DDHD1: variants seen among roughly 807,000 people sequenced by gnomAD.
DDHD1 encodes phospholipase DDHD1.
In DDHD1, 49 loss-of-function variants were observed where a neutral mutation model predicts 96.4. That is an observed-to-expected ratio of 0.51 (90% CI 0.40 to 0.64). The LOEUF is 0.64. Among genes scored for constraint, DDHD1 ranks in the 30% least tolerant of loss-of-function variants. The pLI, the probability that DDHD1 is intolerant of heterozygous loss-of-function variation, is 0.00. For synonymous variants in DDHD1, 442 were observed against 446.5 expected, an observed-to-expected ratio of 0.99 and a Z score of 0.13; for missense variants, 1,106 against 1,161.2, an observed-to-expected ratio of 0.95 and a Z score of 0.69.
chr14:53,116,156 A>G (rs1449858304), intron 1 of DDHD1, among the ~76,000 whole-genome samples: 1 of 152,278 alleles, frequency 6.6e-6, no homozygotes, highest in East Asian at 1.9e-4. Flanking sequence ...AAAGGGATCA[A>G]TGCAACAAGG....
At chr14:53,058,906 T>C (rs1883294820) in intron 8 of DDHD1, among the ~76,000 whole-genome samples, 1 of 152,218 alleles carries the variant, frequency 6.6e-6, no homozygotes. Context: ...ATCAAATATT[T>C]ATTGAGGTAC....
chr14:53,062,505 C>T (rs1004366166), intron 7 of DDHD1, among the ~76,000 whole-genome samples: 4 of 151,490 alleles, frequency 2.6e-5, no homozygotes, highest in African/African-American at 9.7e-5. Flanking sequence ...TATGTTTATA[C>T]ATATAACATG....
chr14:53,084,695 T>C (rs1885777901), intron 4 of DDHD1, among the ~76,000 whole-genome samples: 1 of 152,200 alleles, frequency 6.6e-6, no homozygotes, highest in East Asian at 1.9e-4. Flanking sequence ...GGTCTGCAGC[T>C]CCCAGCTTGA....
At chr14:53,053,684 GTAGC>G (rs1315329219) in intron 11 of DDHD1, 1 of 152,146 alleles carries the variant, frequency 6.6e-6, no homozygotes, top group Non-Finnish European at 1.5e-5. Context: ...CAGAAAAGGA[GTAGC>G]TAGTTTCAGA....
intron 1 of DDHD1, among the ~76,000 whole-genome samples, chr14:53,139,024 A>G (rs1406113446): frequency 1.3e-5 from 2 of 151,450 alleles, no homozygotes; most frequent in Non-Finnish European, 2.9e-5. Context: ...AGCTGCTGCT[A>G]GAAAAGCAAC....
intron 1 of DDHD1, among the ~76,000 whole-genome samples, chr14:53,112,198 T>G (rs1477502071): frequency 1.3e-5 from 2 of 152,104 alleles, no homozygotes; most frequent in Admixed American, 6.6e-5. Context: ...GGGCGGATCA[T>G]GAGGTCAAGA....
intron 1 of DDHD1, among the ~76,000 whole-genome samples, chr14:53,143,758 A>C (rs1004873484): frequency 6.6e-6 from 1 of 152,254 alleles, no homozygotes; most frequent in Non-Finnish European, 1.5e-5. Flanking sequence ...TATTTAGGCT[A>C]AATTGTAGGA....
intron 1 of DDHD1, among the ~76,000 whole-genome samples, chr14:53,111,295 GT>G (rs1350218433): frequency 2.6e-5 from 4 of 152,008 alleles, no homozygotes; most frequent in Non-Finnish European, 4.4e-5. Flanking sequence ...CATCCTTTAT[GT>G]TTTCTTATAG....
intron 1 of DDHD1, among the ~76,000 whole-genome samples, chr14:53,141,531 C>T (rs565445096): frequency 6.6e-6 from 1 of 152,252 alleles, no homozygotes; most frequent in South Asian, 2.1e-4. Flanking sequence ...AACAATCTTC[C>T]CAGTAACTGT....
At chr14:53,115,475 G>C (rs1384681925) in intron 1 of DDHD1, among the ~76,000 whole-genome samples, 2 of 152,200 alleles carry the variant, frequency 1.3e-5, no homozygotes, top group African/African-American at 4.8e-5. Flanking sequence ...GGCATCCAGA[G>C]AGAAAGGTCA....
intron 1 of DDHD1, among the ~76,000 whole-genome samples, chr14:53,147,194 C>G (rs1891056835): frequency 6.6e-6 from 1 of 152,148 alleles, no homozygotes; most frequent in South Asian, 2.1e-4. Context: ...CCAGATTTTT[C>G]TTGCTCTCCA....
At position 53,080,717 on chromosome 14, in the gene DDHD1, C is replaced by CTTCCTTT. The variant is rs781757807; in HGVS notation, c.1290-6871_1290-6870insAAAGGAA. ...ATAATTTCATTTCTTTTCCTTCCCC[C>CTTCCTTT]TTTTTTTTTTTTTTTTTTTTGGAGA... On this transcript the variant is annotated intron_variant, in intron 4 of 12. Coordinates refer to ENST00000673822, the MANE Select transcript of DDHD1 (RefSeq NM_001160148.2). Among the ~76,000 whole-genome samples, 13 of 89,532 alleles carry CTTCCTTT rather than the reference C, an allele frequency of 1.5e-4. 2 individuals carry two copies. Among genetic ancestry groups the CTTCCTTT allele is most frequent in the Admixed American group, 3.6e-4 (3 of 8,250 alleles). The allele number at this position is 89,532 out of a possible 152,430, so 58.7% of individuals were successfully genotyped here.
intron 1 of DDHD1, among the ~76,000 whole-genome samples, chr14:53,104,371 T>C (rs1171807790): frequency 6.6e-6 from 1 of 152,222 alleles, no homozygotes; most frequent in African/African-American, 2.4e-5. Context: ...AGCAGCTATG[T>C]ATATAATTGA....
chr14:53,083,025 G>T (rs915852221), intron 4 of DDHD1, among the ~76,000 whole-genome samples: 1 of 152,120 alleles, frequency 6.6e-6, no homozygotes, highest in Non-Finnish European at 1.5e-5. Flanking sequence ...GGATAATGAG[G>T]GAAGACGGGG....
Position 53,037,577 on chromosome 14 carries a change from A to AT in DDHD1, c.*9190dup, listed in dbSNP as rs1170837003. Reference sequence around the variant, plus strand: ...AAGTGTCTGTTCATGTCCTTCACCCATTTTTTAATGGGGTTGTTTTTTGCT... The same window carrying AT: ...AAGTGTCTGTTCATGTCCTTCACCCATTTTTTTAATGGGGTTGTTTTTTGCT... On this transcript the variant is annotated 3_prime_UTR_variant, in exon 13 of 13. Transcript: ENST00000673822. 6.6e-6 allele frequency: 1 copy of AT among 151,956 alleles called. No homozygotes were observed. The highest frequency in any genetic ancestry group is 1.5e-5 in the Non-Finnish European group (1 of 67,978). The allele number at this position is 151,956 out of a possible 1,614,324, so 9.4% of individuals were successfully genotyped here. A position where few individuals can be genotyped will look rare whatever the true frequency, so the allele number is the denominator to read the frequency against.
chr14:53,143,444 C>T (rs1341726591), intron 1 of DDHD1, among the ~76,000 whole-genome samples: 1 of 152,178 alleles, frequency 6.6e-6, no homozygotes, highest in Non-Finnish European at 1.5e-5. Flanking sequence ...AGAAAGGGTA[C>T]ACTTGCCAGC....
At chr14:53,055,206 T>C (rs1411820917) in intron 10 of DDHD1, among the ~76,000 whole-genome samples, 2 of 152,180 alleles carry the variant, frequency 1.3e-5, no homozygotes, top group South Asian at 2.1e-4. Context: ...CTGGAGATCA[T>C]TCAAAGAAAA....
At chr14:53,063,464 A>G (rs1291888259) in intron 6 of DDHD1, among the ~76,000 whole-genome samples, 1 of 151,986 alleles carries the variant, frequency 6.6e-6, no homozygotes, top group Non-Finnish European at 1.5e-5. Context: ...CAACTGTATA[A>G]GCCAGCAGTT....
In DDHD1 at chr14:53,072,656, T is replaced by A; in HGVS notation, c.1444A>T (p.Met482Leu). Residue 482 changes from methionine to leucine, a missense_variant, in exon 6 of 13, where the codon ATG becomes TTG. Met to Leu is a conservative substitution (Grantham distance 15, BLOSUM62 2). Transcript: ENST00000673822. ...TPDKVRGLRD[M>L]LNSSAMDIMY... ...ATGTCCATTGCACTGCTGTTCAGCA[T>A]ATCCCTTAAACCTCGTACTTTGTCA... The A allele has an allele frequency of 1.2e-6, 2 of 1,611,022 alleles. No homozygotes were observed.
Sources: allele counts gnomAD v4.1 joint callset (sites outside exome capture counted in the v4.1 genomes callset), GRCh38; gene constraint gnomAD v4.1.1; transcripts MANE v1.5; gene names NCBI Gene and HGNC (gene_info 2026-07-23, HGNC 2026-07-21).